AFAP1: variants seen among roughly 807,000 people sequenced by gnomAD.
The protein encoded by AFAP1 is actin filament-associated protein 1.
Under a neutral mutation model 93.9 loss-of-function variants are expected in AFAP1, and 75 were observed. The observed-to-expected ratio is 0.80, with a 90% CI of 0.66 to 0.97. The LOEUF (loss-of-function observed/expected upper bound fraction) is 0.97, where lower values mean the gene tolerates loss of function less well. Among genes scored for constraint, AFAP1 ranks in the 50% least tolerant of loss-of-function variants. The pLI is 0.00. For missense variants in AFAP1, 1,201 were observed against 1,050.8 expected, an observed-to-expected ratio of 1.14 and a Z score of -1.98; for synonymous variants, 517 against 430.7, an observed-to-expected ratio of 1.20 and a Z score of -2.48.
intron 8 of AFAP1, among the ~76,000 whole-genome samples, chr4:7,813,115 A>T (rs944822700): frequency 6.6e-6 from 1 of 152,160 alleles, no homozygotes; most frequent in African/African-American, 2.4e-5. Context: ...CTCTTTCTTC[A>T]TCTGAGATTC....
intron 1 of AFAP1, among the ~76,000 whole-genome samples, chr4:7,915,105 A>T (rs1720011496): frequency 6.6e-6 from 1 of 152,168 alleles, no homozygotes; most frequent in Admixed American, 6.5e-5. Flanking sequence ...GCTGGTTTCA[A>T]ACTCCTGACA....
chr4:7,922,357 G>A (rs2149237930), intron 1 of AFAP1, among the ~76,000 whole-genome samples: 1 of 152,322 alleles, frequency 6.6e-6, no homozygotes, highest in Non-Finnish European at 1.5e-5. Context: ...TTCAAAGGAA[G>A]AAAAATTAAT....
intron 3 of AFAP1, among the ~76,000 whole-genome samples, chr4:7,860,258 T>A (rs575959149): frequency 6.6e-6 from 1 of 152,138 alleles, no homozygotes; most frequent in African/African-American, 2.4e-5. Flanking sequence ...TGTTTCTGAT[T>A]TTGATTTTGT....
chr4:7,904,173 T>C (rs989024303), intron 1 of AFAP1, among the ~76,000 whole-genome samples: 2 of 152,140 alleles, frequency 1.3e-5, no homozygotes, highest in Non-Finnish European at 1.5e-5. Flanking sequence ...CAACTGCTGC[T>C]GCCATGATGA....
intron 2 of AFAP1, among the ~76,000 whole-genome samples, chr4:7,869,234 G>C (rs1716804350): frequency 6.6e-6 from 1 of 151,502 alleles, no homozygotes; most frequent in Non-Finnish European, 1.5e-5. Flanking sequence ...AGGAGGAAGG[G>C]GAAGGAGGAA....
chr4:7,763,007 C>G lies in AFAP1; in HGVS notation c.*758G>C, dbSNP rs1272178985. On this transcript the variant is annotated 3_prime_UTR_variant, in exon 18 of 18. Transcript: ENST00000420658. The stretch of plus-strand genomic sequence containing the variant: ...AGTATTAAAACCCTCTGCTACCTGT[C>G]AAAAGCAGCACAAATAATTAATTAA... The G allele has an allele frequency of 6.6e-6, 1 of 152,090 alleles. No homozygotes were observed. The highest frequency in any genetic ancestry group is 1.5e-5 in the Non-Finnish European group (1 of 68,040). 9.4% of individuals were successfully genotyped at this position (152,090 alleles called of 1,614,324 possible).
At chr4:7,907,224 G>C (rs571816724) in intron 1 of AFAP1, among the ~76,000 whole-genome samples, 215 of 152,090 alleles carry the variant, frequency 1.4e-3, no homozygotes, top group Non-Finnish European at 1.6e-3. Context: ...TGCTAAAACA[G>C]AGGAAAATTT....
chr4:7,831,777 C>T (rs558327003), intron 6 of AFAP1, among the ~76,000 whole-genome samples: 5 of 152,182 alleles, frequency 3.3e-5, no homozygotes, highest in Admixed American at 3.3e-4. Context: ...AAGCACAGAA[C>T]GCAGAAGGAT....
In AFAP1 at chr4:7,774,812, C is replaced by T; in HGVS notation, c.1989G>A (p.Glu663=). ...GCTGGGCCAGCCTATTCCGCAGGGC[C>T]TCTTTCCTCTTCAGCAGCTCCTCCT... The part of the protein sequence containing the change: ...TKEEELLKRK[E]ALRNRLAQLR... Residue 663 remains glutamate (E), a synonymous_variant, in exon 15 of 18, where the codon GAG becomes GAA. Coordinates refer to ENST00000420658, the MANE Select transcript of AFAP1 (RefSeq NM_001134647.2). 2 of 1,614,246 alleles carry T rather than the reference C, an allele frequency of 1.2e-6. No homozygotes were observed. Among genetic ancestry groups the T allele is most frequent in the Non-Finnish European group, 1.7e-6 (2 of 1,180,046 alleles).
intron 1 of AFAP1, among the ~76,000 whole-genome samples, chr4:7,878,335 G>C (rs570051924): frequency 5.3e-5 from 8 of 152,174 alleles, no homozygotes; most frequent in Non-Finnish European, 1.0e-4. Flanking sequence ...TGTGCAGCAG[G>C]CTCTCTGGAA....
chr4:7,921,145 A>G (rs560370086), intron 1 of AFAP1, among the ~76,000 whole-genome samples: 1 of 149,634 alleles, frequency 6.7e-6, no homozygotes, highest in Admixed American at 6.7e-5. Flanking sequence ...AATCTCTCTC[A>G]GCTTCAGTTT....
intron 1 of AFAP1, among the ~76,000 whole-genome samples, chr4:7,876,645 C>T (rs1717528743): frequency 1.3e-5 from 2 of 152,190 alleles, no homozygotes; most frequent in Non-Finnish European, 2.9e-5. Flanking sequence ...CGACCATGCT[C>T]CGAGGCTTTC....
chr4:7,904,884 T>C (rs951557424), intron 1 of AFAP1, among the ~76,000 whole-genome samples: 10 of 152,102 alleles, frequency 6.6e-5, no homozygotes, highest in African/African-American at 2.2e-4. Context: ...TTAATTTTTA[T>C]GTTTTGTAGG....
At chr4:7,830,479 T>C (rs1005761178) in intron 6 of AFAP1, among the ~76,000 whole-genome samples, 2 of 152,244 alleles carry the variant, frequency 1.3e-5, no homozygotes, top group Non-Finnish European at 2.9e-5. Context: ...CAGATAATTC[T>C]GAGTGAGAAA....
At chr4:7,935,727 A>G (rs1395772378) in intron 1 of AFAP1, among the ~76,000 whole-genome samples, 2 of 151,174 alleles carry the variant, frequency 1.3e-5, no homozygotes, top group Non-Finnish European at 2.9e-5. Context: ...AATGGCATCA[A>G]AGCAAGGGTA....
At chr4:7,891,335 C>G (rs890692394) in intron 1 of AFAP1, among the ~76,000 whole-genome samples, 4 of 152,088 alleles carry the variant, frequency 2.6e-5, no homozygotes, top group Admixed American at 2.6e-4. Context: ...TCCGTCTTCA[C>G]GGACTAGGAT....
chr4:7,777,102 G>A (rs141175410), intron 14 of AFAP1: 3 of 152,306 alleles, frequency 2.0e-5, no homozygotes, highest in East Asian at 3.9e-4. Context: ...ACACCATGGC[G>A]ATTGAGACTC....
At chr4:7,860,736 A>G (rs1197235841) in intron 3 of AFAP1, among the ~76,000 whole-genome samples, 1 of 152,140 alleles carries the variant, frequency 6.6e-6, no homozygotes, top group Non-Finnish European at 1.5e-5. Flanking sequence ...CCTACCACAC[A>G]GCGGGCTGAG....
intron 9 of AFAP1, among the ~76,000 whole-genome samples, chr4:7,804,638 G>A (rs1719346157): frequency 6.6e-6 from 1 of 152,194 alleles, no homozygotes; most frequent in Non-Finnish European, 1.5e-5. Flanking sequence ...AGCTGCAGAA[G>A]AGCAGGCAGG....
Sources: allele counts gnomAD v4.1 joint callset (sites outside exome capture counted in the v4.1 genomes callset), GRCh38; gene constraint gnomAD v4.1.1; transcripts MANE v1.5; gene names NCBI Gene and HGNC (gene_info 2026-07-23, HGNC 2026-07-21).